Variants in IPO8 observed in about 807,000 individuals in gnomAD.
IPO8 encodes importin-8.
A neutral mutation model predicts 141.2 loss-of-function variants in IPO8; 65 were observed. The observed-to-expected ratio is 0.46, with a 90% CI of 0.38 to 0.57. The LOEUF (loss-of-function observed/expected upper bound fraction) is 0.57. Ranked by LOEUF, IPO8 falls within the 20% of genes least tolerant of loss-of-function variation. IPO8 has a pLI of 0.00. For synonymous variants in IPO8, 411 were observed against 420.3 expected (o/e 0.98, Z 0.27); for missense variants, 980 against 1,246.8 (o/e 0.79, Z 3.22).
chr12:30,653,196 C>CT (rs922679655), intron 17 of IPO8, 104 bp from the exon 18 acceptor site: 32 of 982,396 alleles, frequency 3.3e-5, no homozygotes, highest in African/African-American at 4.9e-5. Context: ...CAGAGTCCTC[C>CT]TCTATCCAAT....
chr12:30,695,564 C>A lies in IPO8; in HGVS notation c.84G>T (p.Gln28His). ...LRIAAENELN[Q>H]SYKIINFAPS... ...GGGTCGCCGAAGACCCTCTCCTCAC[C>A]TGGTTGAGCTCGTTCTCGGCTGCAA... Residue 28 changes from glutamine (Q) to histidine (H), a missense_variant and splice_region_variant, in exon 1 of 25, where the codon CAG becomes CAT. Gln to His is a conservative substitution (Grantham distance 24). This residue lies in a region of IPO8 where 40 missense variants were observed against 46.3 expected (regional missense o/e 0.86). Transcript: ENST00000256079. This position sits in a 1 kb window ranked among gnomAD's most constrained non-coding sequence, Gnocchi z 4.2. 1 of 1,613,802 alleles carries A rather than the reference C, an allele frequency of 6.2e-7. No individual in the cohort carries two copies.
rs562477103 is a variant in IPO8, at chr12:30,636,711, T to C, written c.2695+271A>G. Among the ~76,000 whole-genome samples, 3 of 152,270 alleles carry C rather than the reference T, an allele frequency of 2.0e-5. No individual in the cohort carries two copies. The East Asian group carries it at 5.8e-4, about 29-fold the overall frequency. On this transcript the variant is annotated intron_variant, in intron 22 of 24. Coordinates refer to ENST00000256079, the MANE Select transcript of IPO8 (RefSeq NM_006390.4). ...ACTTACAGTCAAGACCATTTGATTG[T>C]TATAAATGTGTTTCCTAATGTGTAA...
intron 17 of IPO8, among the ~76,000 whole-genome samples, chr12:30,655,017 C>T (rs756802776): frequency 1.3e-4 from 20 of 151,472 alleles, no homozygotes; most frequent in Non-Finnish European, 2.8e-4. Context: ...TACCAGTCCA[C>T]CTTAAAAAAA....
At chr12:30,636,917 T>C (rs2052509623) in intron 22 of IPO8, 65 bp downstream of exon 22, 2 of 1,286,082 alleles carry the variant, frequency 1.6e-6, no homozygotes, top group African/African-American at 2.9e-5. Flanking sequence ...TAGACTAGTA[T>C]TCATATAAAA....
At chr12:30,637,762 TGA>T (rs1355118680) in intron 21 of IPO8, among the ~76,000 whole-genome samples, 1 of 152,182 alleles carries the variant, frequency 6.6e-6, no homozygotes, top group Admixed American at 6.5e-5. Context: ...AAAAAAAGTT[TGA>T]CCAGTAAACA....
chr12:30,634,051 AT>A lies in IPO8; in HGVS notation c.2899+31del, dbSNP rs754598163. 8 of 1,562,816 alleles carry A rather than the reference AT, an allele frequency of 5.1e-6. No homozygotes were observed. The African/African-American group carries it at 6.8e-5, about 13-fold the overall frequency. On this transcript the variant is annotated intron_variant, in intron 23 of 24. Transcript: ENST00000256079. Reference sequence around the variant, plus strand: ...ATGAAGAAAGAGTTTAGAAAAAAAAATATCAGAAGATGTGGGGAAGTAAAGA... The same window carrying A: ...ATGAAGAAAGAGTTTAGAAAAAAAAAATCAGAAGATGTGGGGAAGTAAAGA...
chr12:30,668,430 T>A (rs889753978), intron 10 of IPO8, among the ~76,000 whole-genome samples: 1 of 152,128 alleles, frequency 6.6e-6, no homozygotes, highest in Admixed American at 6.5e-5. Context: ...GATTTAGCAA[T>A]CATTTCTTTC....
In IPO8 at chr12:30,674,049, T is replaced by C; in HGVS notation, c.850A>G (p.Lys284Glu). 2 of 1,588,448 alleles carry C rather than the reference T, an allele frequency of 1.3e-6. No homozygotes were observed. Among genetic ancestry groups the C allele is most frequent in the Non-Finnish European group, 1.7e-6 (2 of 1,161,406 alleles). ...ERYGSPGNVT[K>E]EYFEFSEFFL... is the part of the protein sequence containing the mutation. ...AATTCAGAAAATTCAAAGTATTCTT[T>C]TGTGACATTTCCTGGGCTTCCATAT... The change falls in exon 8 of 25, where the codon AAA becomes GAA. Residue 284 changes from lysine (K) to glutamate (E), a missense_variant. Around this residue, in one of 3 missense-constraint regions of IPO8, gnomAD observed 924 missense variants for 1,153.9 expected, o/e 0.80. Transcript: ENST00000256079.
Position 30,639,072 on chromosome 12 carries a change from C to T in IPO8, c.2489+443G>A, listed in dbSNP as rs1003754704. On this transcript the variant is annotated intron_variant, in intron 21 of 24. Transcript: ENST00000256079. ...CTACAAATAACAAGCCTTCTGACTC[C>T]ACTTTTGAGAACAGGCATCCCTGAG... Among the ~76,000 whole-genome samples, 4 of 152,122 alleles carry T rather than the reference C, an allele frequency of 2.6e-5. No homozygotes were observed. In the East Asian group the frequency reaches 5.8e-4, roughly 22 times the overall value.
At chr12:30,649,433 A>G (rs1398614863) in intron 19 of IPO8, among the ~76,000 whole-genome samples, 2 of 152,152 alleles carry the variant, frequency 1.3e-5, no homozygotes, top group Non-Finnish European at 2.9e-5. Context: ...GCAATAATTC[A>G]CTTATTTGAC....
chr12:30,653,802 T>C (rs1480405754), intron 17 of IPO8, among the ~76,000 whole-genome samples: 1 of 152,048 alleles, frequency 6.6e-6, no homozygotes, highest in African/African-American at 2.4e-5. Context: ...GTTTTTCCTC[T>C]TATAAAAACT....
chr12:30,680,189 CAG>C (rs1309975981), intron 5 of IPO8, among the ~76,000 whole-genome samples: 1 of 152,040 alleles, frequency 6.6e-6, no homozygotes, highest in Non-Finnish European at 1.5e-5. Context: ...AGGAATGCTA[CAG>C]AACAGATAGT....
intron 20 of IPO8, among the ~76,000 whole-genome samples, chr12:30,645,242 G>A (rs2052628735): frequency 1.3e-5 from 2 of 151,642 alleles, no homozygotes; most frequent in South Asian, 2.1e-4. Flanking sequence ...GTGTGATGGC[G>A]CACGCCTGTA....
intron 4 of IPO8, 83 bp from the exon 5 acceptor site, chr12:30,680,721 A>C: frequency 8.7e-7 from 1 of 1,148,524 alleles, no homozygotes; most frequent in Non-Finnish European, 1.2e-6. Flanking sequence ...TATTTTTTAA[A>C]TACATAAAAC....
intron 7 of IPO8, 75 bp from the exon 8 acceptor site, chr12:30,674,149 G>A: frequency 2.1e-6 from 2 of 948,486 alleles, no homozygotes; most frequent in Non-Finnish European, 1.6e-6. Flanking sequence ...TTTAAATATA[G>A]TCGCTTATTC....
At chr12:30,633,165 T>C (rs2052456867) in intron 23 of IPO8, among the ~76,000 whole-genome samples, 1 of 152,172 alleles carries the variant, frequency 6.6e-6, no homozygotes, top group South Asian at 2.1e-4. Flanking sequence ...AATAAGAACA[T>C]CTAGGTAGTT....
chr12:30,641,567 A>G (rs1591823432), intron 20 of IPO8, among the ~76,000 whole-genome samples: 1 of 146,342 alleles, frequency 6.8e-6, no homozygotes, highest in South Asian at 2.1e-4. Flanking sequence ...AAATTAAGCT[A>G]TTTCTAAAAA....
intron 19 of IPO8, among the ~76,000 whole-genome samples, chr12:30,651,498 T>C (rs2052725999): frequency 6.6e-6 from 1 of 152,134 alleles, no homozygotes; most frequent in Non-Finnish European, 1.5e-5. Flanking sequence ...TTTTGGTTTC[T>C]GGTTATTTGA....
chr12:30,674,562 A>T, intron 7 of IPO8, 97 bp downstream of exon 7: 1 of 890,742 alleles, frequency 1.1e-6, no homozygotes, highest in Non-Finnish European at 1.9e-6. Context: ...CTTTAAACAG[A>T]GTGACTCTTG....
Sources: allele counts gnomAD v4.1 joint callset (sites outside exome capture counted in the v4.1 genomes callset), GRCh38; gene constraint gnomAD v4.1.1; regional missense constraint gnomAD v4.1.1; non-coding constraint Gnocchi (gnomAD v3.1); transcripts MANE v1.5; gene names NCBI Gene and HGNC (gene_info 2026-07-23, HGNC 2026-07-21).